Variants in SCML4 observed in about 807,000 individuals in gnomAD.
SCML4 encodes the protein sex comb on midleg-like protein 4.
SCML4 carries 34 observed loss-of-function variants against 41.1 expected under a neutral mutation model. That is an observed-to-expected ratio of 0.83 (90% confidence interval 0.63 to 1.10). The LOEUF (loss-of-function observed/expected upper bound fraction) is 1.10, where lower values mean the gene tolerates loss of function less well. SCML4 is among the 50% of genes least tolerant of loss of function. The pLI is 0.00. For missense variants in SCML4, 522 were observed against 534.1 expected, an observed-to-expected ratio of 0.98 and a Z score of 0.22; for synonymous variants, 214 against 220.9, an observed-to-expected ratio of 0.97 and a Z score of 0.28.
intron 2 of SCML4, among the ~76,000 whole-genome samples, chr6:107,763,117 A>G (rs1779744832): frequency 6.6e-6 from 1 of 152,046 alleles, no homozygotes; most frequent in African/African-American, 2.4e-5. Flanking sequence ...TCTTAGGCTC[A>G]GGTGATCCTG....
chr6:107,707,821 C>T (rs1442180199), intron 7 of SCML4, 45 bp downstream of exon 7: 2 of 1,551,220 alleles, frequency 1.3e-6, no homozygotes, highest in Non-Finnish European at 1.7e-6. Flanking sequence ...CCTTCTGTGC[C>T]TGCTCCCTCA....
At chr6:107,753,514 T>C (rs1308353693) in intron 2 of SCML4, among the ~76,000 whole-genome samples, 1 of 152,182 alleles carries the variant, frequency 6.6e-6, no homozygotes, top group East Asian at 1.9e-4. Flanking sequence ...AGTTTGAATT[T>C]CGCAAGATGA....
chr6:107,793,063 A>G (rs1562263969), intron 1 of SCML4, among the ~76,000 whole-genome samples: 1 of 152,144 alleles, frequency 6.6e-6, no homozygotes, highest in Non-Finnish European at 1.5e-5. Context: ...AACTGAAGGG[A>G]GTTAGCTTGG....
intron 1 of SCML4, among the ~76,000 whole-genome samples, chr6:107,789,667 A>G (rs1042594082): frequency 6.6e-5 from 10 of 152,346 alleles, no homozygotes; most frequent in South Asian, 2.1e-4. Flanking sequence ...GCCGGCCCAC[A>G]GCAAAACCAC....
At chr6:107,793,946 A>T (rs1265300725) in intron 1 of SCML4, among the ~76,000 whole-genome samples, 2 of 152,234 alleles carry the variant, frequency 1.3e-5, no homozygotes, top group African/African-American at 2.4e-5. Context: ...GTCTCAAAAC[A>T]AAACTAAACT....
intron 2 of SCML4, among the ~76,000 whole-genome samples, chr6:107,767,109 C>T (rs923133136): frequency 1.3e-5 from 2 of 152,056 alleles, no homozygotes; most frequent in Non-Finnish European, 2.9e-5. Flanking sequence ...TGACACGCGC[C>T]ACCATGCCCA....
intron 5 of SCML4, among the ~76,000 whole-genome samples, chr6:107,741,478 T>C (rs186640023): frequency 1.3e-5 from 2 of 152,294 alleles, no homozygotes; most frequent in Admixed American, 1.3e-4. Flanking sequence ...AAGGGAGAAA[T>C]ATCCCTGAGG....
chr6:107,796,128 G>T (rs568558676), intron 1 of SCML4, among the ~76,000 whole-genome samples: 8 of 152,094 alleles, frequency 5.3e-5, no homozygotes, highest in African/African-American at 1.9e-4. Flanking sequence ...AAAAATATCT[G>T]CCAGAAACAT....
At chr6:107,799,221 T>C (rs1289879489) in intron 1 of SCML4, among the ~76,000 whole-genome samples, 1 of 152,230 alleles carries the variant, frequency 6.6e-6, no homozygotes, top group East Asian at 1.9e-4. Context: ...ATGTTTTTGC[T>C]ACATGTATTT....
chr6:107,749,836 T>G, intron 2 of SCML4, 23 bp from the exon 3 acceptor site: 11 of 1,613,504 alleles, frequency 6.8e-6, no homozygotes, highest in Non-Finnish European at 9.3e-6. Context: ...GCCCATTTGG[T>G]CAATGAGAAT....
chr6:107,721,718 A>G (rs1775436697), intron 5 of SCML4, among the ~76,000 whole-genome samples: 1 of 152,128 alleles, frequency 6.6e-6, no homozygotes, highest in Admixed American at 6.5e-5. Context: ...GTCAGGAGAG[A>G]CAACTGTGGC....
intron 6 of SCML4, chr6:107,718,448 G>A (rs1775049400): frequency 6.6e-6 from 1 of 152,504 alleles, no homozygotes; most frequent in Non-Finnish European, 1.5e-5. Flanking sequence ...CCAGTTTCGG[G>A]TATGTCTTTA....
At chr6:107,796,309 A>G (rs927719376) in intron 1 of SCML4, among the ~76,000 whole-genome samples, 5 of 152,216 alleles carry the variant, frequency 3.3e-5, no homozygotes, top group Non-Finnish European at 7.3e-5. Context: ...CAGTTGCTCC[A>G]TATCCTGACC....
chr6:107,744,951 G>A lies in SCML4; in HGVS notation c.680C>T (p.Ser227Leu), dbSNP rs771489633. 2 of 1,606,454 alleles carry A rather than the reference G, an allele frequency of 1.2e-6. No individual in the cohort carries two copies. Among genetic ancestry groups the A allele is most frequent in the African/African-American group, 2.7e-5 (2 of 74,744 alleles). ...GGGGGAAGCAGGACAAGGCCTACCT[G>A]ATTCCATCCTCCCTTCCTCTTTCTC... Reference protein sequence around the residue: ...VQEKEEGRMESVKTVTTEEYL... With the variant: ...VQEKEEGRMELVKTVTTEEYL... The change falls in exon 5 of 8, where the codon TCA becomes TTA. Residue 227 changes from serine (S) to leucine (L), a missense_variant and splice_region_variant. Physicochemically the swap from Ser to Leu is moderately radical, Grantham distance 145. Transcript: ENST00000369020.
At chr6:107,752,630 A>G (rs996098068) in intron 2 of SCML4, among the ~76,000 whole-genome samples, 1 of 152,108 alleles carries the variant, frequency 6.6e-6, no homozygotes, top group African/African-American at 2.4e-5. Flanking sequence ...TCTTTCAAGG[A>G]GGAGATAGTG....
intron 1 of SCML4, among the ~76,000 whole-genome samples, chr6:107,780,851 TCATCGGTGC>T (rs1781432090): frequency 1.3e-5 from 2 of 152,076 alleles, no homozygotes; most frequent in African/African-American, 4.8e-5. Flanking sequence ...TTTGAGAATA[TCATCGGTGC>T]TAAGAGGACA....
At position 107,731,574 on chromosome 6, in the gene SCML4, C is replaced by T. The variant is rs146143049; in HGVS notation, c.683-10581G>A. 1.5e-3 allele frequency among the ~76,000 whole-genome samples: 229 copies of T among 152,294 alleles called. 1 individual carries two copies. The highest frequency in any genetic ancestry group is 5.2e-3 in the African/African-American group (216 of 41,548). ...CACAATCAGCACGACCACCTTCCTC[C>T]AGACTGGGAGCCCTGGCCTTGCTCA... On this transcript the variant is annotated intron_variant, in intron 5 of 7. Coordinates refer to ENST00000369020, the MANE Select transcript of SCML4 (RefSeq NM_198081.5).
At chr6:107,767,224 G>T (rs1780133756) in intron 2 of SCML4, among the ~76,000 whole-genome samples, 1 of 152,008 alleles carries the variant, frequency 6.6e-6, no homozygotes, top group African/African-American at 2.4e-5. Context: ...CCAAAGTGCT[G>T]GGATTACAGA....
At chr6:107,812,833 A>C (rs1784253451) in intron 1 of SCML4, among the ~76,000 whole-genome samples, 1 of 150,228 alleles carries the variant, frequency 6.7e-6, no homozygotes, top group South Asian at 2.1e-4. Flanking sequence ...GGCCTCCATA[A>C]TCATTTGACC....
Sources: gnomAD v4.1 joint callset for allele counts (sites outside exome capture counted in the v4.1 genomes callset) on GRCh38, gnomAD v4.1.1 for gene constraint, MANE v1.5 for transcripts, NCBI Gene and HGNC (gene_info 2026-07-23, HGNC 2026-07-21) for gene names.